HIVEP3: variants seen among roughly 807,000 people sequenced by gnomAD.
The protein encoded by HIVEP3 is transcription factor HIVEP3.
A neutral mutation model predicts 152.8 loss-of-function variants in HIVEP3; 49 were observed. The observed-to-expected ratio is 0.32, with a 90% CI of 0.26 to 0.41. HIVEP3 has a LOEUF of 0.41. Ranked by LOEUF, HIVEP3 falls within the 10% of genes least tolerant of loss-of-function variation. HIVEP3 has a pLI of 1.00. For synonymous variants in HIVEP3, 1,269 were observed against 1,289.0 expected (o/e 0.98, Z 0.33); for missense variants, 2,790 against 3,103.3 (o/e 0.90, Z 2.40).
intron 1 of HIVEP3, among the ~76,000 whole-genome samples, chr1:41,833,899 G>A (rs977261038): frequency 8.5e-5 from 13 of 152,196 alleles, no homozygotes; most frequent in Non-Finnish European, 1.6e-4. Context: ...CCTGCTCAGC[G>A]TGGGAGCCTC....
chr1:41,900,836 G>GC (rs1644608995), intron 1 of HIVEP3, among the ~76,000 whole-genome samples: 1 of 152,176 alleles, frequency 6.6e-6, no homozygotes, highest in South Asian at 2.1e-4. Flanking sequence ...GTGGCCGGAG[G>GC]TGAGGCTGGA....
intron 2 of HIVEP3, among the ~76,000 whole-genome samples, chr1:41,671,658 C>G (rs576227682): frequency 6.6e-6 from 1 of 152,238 alleles, no homozygotes; most frequent in African/African-American, 2.4e-5. Flanking sequence ...AACAGGGGAC[C>G]TCCTGGACAG....
intron 1 of HIVEP3, among the ~76,000 whole-genome samples, chr1:41,987,557 CACAAAAACAG>C (rs1645331513): frequency 6.6e-6 from 1 of 152,000 alleles, no homozygotes. Flanking sequence ...CTGGTACTAG[CACAAAAACAG>C]ACATAGAGAC....
intron 1 of HIVEP3, among the ~76,000 whole-genome samples, chr1:41,807,025 C>T (rs1243765910): frequency 2.3e-5 from 1 of 43,824 alleles, no homozygotes; most frequent in Non-Finnish European, 5.6e-5. Flanking sequence ...TTCCTCCCCG[C>T]CCAGCCCACC....
chr1:41,716,045 G>A (rs757559732), intron 1 of HIVEP3, among the ~76,000 whole-genome samples: 11 of 152,212 alleles, frequency 7.2e-5, no homozygotes, highest in Non-Finnish European at 1.0e-4. Flanking sequence ...GCAGGAGAAC[G>A]GCAGGGTGAC....
intron 5 of HIVEP3, among the ~76,000 whole-genome samples, chr1:41,571,770 G>C (rs1569952781): frequency 1.3e-5 from 2 of 152,178 alleles, no homozygotes; most frequent in Admixed American, 6.5e-5. Context: ...AAAGGTGAAG[G>C]GCGACAGGAA....
chr1:41,781,031 A>G, intron 1 of HIVEP3, among the ~76,000 whole-genome samples: 1 of 152,228 alleles, frequency 6.6e-6, no homozygotes, highest in East Asian at 1.9e-4. Flanking sequence ...TAGATCTCCC[A>G]GTGGTAATTG....
intron 1 of HIVEP3, among the ~76,000 whole-genome samples, chr1:41,879,186 G>A (rs1644222215): frequency 1.3e-5 from 2 of 152,184 alleles, no homozygotes; most frequent in Admixed American, 1.3e-4. Flanking sequence ...GGCATTGCAG[G>A]GGACTTGCAG....
chr1:41,735,403 T>C (rs529198295), intron 1 of HIVEP3, among the ~76,000 whole-genome samples: 1 of 152,298 alleles, frequency 6.6e-6, no homozygotes, highest in East Asian at 1.9e-4. Flanking sequence ...TTGAATCCAT[T>C]TGACAATTCT....
At chr1:41,644,467 T>C (rs1309744362) in intron 2 of HIVEP3, among the ~76,000 whole-genome samples, 1 of 152,204 alleles carries the variant, frequency 6.6e-6, no homozygotes, top group African/African-American at 2.4e-5. Context: ...TTTAACTCCC[T>C]GTCAGGAGGT....
chr1:41,775,874 C>A lies in HIVEP3; in HGVS notation c.-800-74879G>T, dbSNP rs184050351. Reference sequence around the variant, plus strand: ...GCAAAATAAGCTCCTGACATCACACCCACAAAAAGGCCAGCATCCTACTCT... The same window carrying A: ...GCAAAATAAGCTCCTGACATCACACACACAAAAAGGCCAGCATCCTACTCT... On this transcript the variant is annotated intron_variant, in intron 1 of 8. Coordinates refer to ENST00000372583, the MANE Select transcript of HIVEP3 (RefSeq NM_024503.5). Among the ~76,000 whole-genome samples the A allele has an allele frequency of 4.6e-3, 700 of 152,252 alleles. 5 individuals are homozygous for A. The highest frequency in any genetic ancestry group is 0.016 in the African/African-American group (645 of 41,546).
intron 1 of HIVEP3, among the ~76,000 whole-genome samples, chr1:41,912,266 G>A (rs746572623): frequency 1.4e-4 from 21 of 152,098 alleles, no homozygotes; most frequent in Non-Finnish European, 2.6e-4. Flanking sequence ...CAAATTGACT[G>A]GTGAGTACAT....
At chr1:41,741,315 G>A (rs767260376) in intron 1 of HIVEP3, among the ~76,000 whole-genome samples, 2 of 152,198 alleles carry the variant, frequency 1.3e-5, no homozygotes, top group Non-Finnish European at 2.9e-5. Flanking sequence ...GGAACCAAGA[G>A]GCAGGTGTGG....
intron 1 of HIVEP3, among the ~76,000 whole-genome samples, chr1:41,742,397 A>T (rs1647010427): frequency 6.6e-6 from 1 of 152,218 alleles, no homozygotes; most frequent in African/African-American, 2.4e-5. Context: ...TGACTCAGAC[A>T]CACATCACAG....
chr1:41,545,610 ACCACCAC>A (rs1405654564), intron 5 of HIVEP3, among the ~76,000 whole-genome samples: 304 of 135,046 alleles, frequency 2.3e-3, no homozygotes, highest in African/African-American at 7.8e-3. Flanking sequence ...CACCACCATC[ACCACCAC>A]TACCATCACC....
At chr1:41,974,349 C>T (rs1208138398) in intron 1 of HIVEP3, among the ~76,000 whole-genome samples, 1 of 151,994 alleles carries the variant, frequency 6.6e-6, no homozygotes, top group Non-Finnish European at 1.5e-5. Context: ...TCTTCCCTCC[C>T]GTTCCTGTCC....
intron 1 of HIVEP3, among the ~76,000 whole-genome samples, chr1:41,738,022 T>C (rs1234373584): frequency 1.3e-5 from 2 of 152,216 alleles, no homozygotes; most frequent in South Asian, 2.1e-4. Context: ...TAGAGGACCA[T>C]GAAGCTCAGC....
intron 1 of HIVEP3, among the ~76,000 whole-genome samples, chr1:41,897,450 G>A (rs55845589): frequency 0.055 from 8,428 of 152,196 alleles, 253 homozygotes; most frequent in South Asian, 0.091. Flanking sequence ...TGAAGAAAGC[G>A]TCCCTACCCC....
chr1:41,560,816 C>T (rs1231166616), intron 5 of HIVEP3, among the ~76,000 whole-genome samples: 1 of 152,168 alleles, frequency 6.6e-6, no homozygotes, highest in Non-Finnish European at 1.5e-5. Flanking sequence ...CCTTTGTGCT[C>T]CTCACCTCAC....
Sources: allele counts gnomAD v4.1 joint callset (sites outside exome capture counted in the v4.1 genomes callset), GRCh38; gene constraint gnomAD v4.1.1; transcripts MANE v1.5; gene names NCBI Gene and HGNC (gene_info 2026-07-23, HGNC 2026-07-21).